Variants in ATP6V1C1 observed in about 807,000 individuals in gnomAD.
ATP6V1C1 encodes the protein ATPase H+ transporting V1 subunit C1.
ATP6V1C1 carries 45 observed loss-of-function variants against 53.9 expected under a neutral mutation model. That is an observed-to-expected ratio of 0.83 (90% CI 0.66 to 1.07). The LOEUF (loss-of-function observed/expected upper bound fraction) is 1.07, where lower values mean the gene tolerates loss of function less well. Ranked by LOEUF, ATP6V1C1 falls within the 50% of genes least tolerant of loss-of-function variation. ATP6V1C1 has a pLI of 0.00. For synonymous variants in ATP6V1C1, 153 were observed against 155.2 expected (o/e 0.99, Z 0.11); for missense variants, 315 against 440.3 (o/e 0.72, Z 2.55).
chr8:103,023,915 G>GA lies in ATP6V1C1; in HGVS notation c.-40+2692dup, dbSNP rs397751074. Among the ~76,000 whole-genome samples the GA allele has an allele frequency of 4.7e-5, 7 of 150,216 alleles. 1 individual carries two copies. The highest frequency in any genetic ancestry group is 1.3e-4 in the Admixed American group (2 of 15,130). ...TTCAGCATTTTTTTTTGGGGGGGGGGAACTTCTCCCTGAAGAGTCAGCACT... is the reference window on the plus strand; with the variant it reads ...TTCAGCATTTTTTTTTGGGGGGGGGGAAACTTCTCCCTGAAGAGTCAGCACT... On this transcript the variant is annotated intron_variant, in intron 1 of 12. Transcript: ENST00000518738.
intron 1 of ATP6V1C1, among the ~76,000 whole-genome samples, chr8:103,039,909 T>G (rs1816966085): frequency 6.6e-6 from 1 of 152,098 alleles, no homozygotes; most frequent in African/African-American, 2.4e-5. Context: ...AGATTTTTTT[T>G]TTTTCAGATT....
chr8:103,050,522 A>C (rs1332315438), intron 4 of ATP6V1C1, among the ~76,000 whole-genome samples: 1 of 152,190 alleles, frequency 6.6e-6, no homozygotes. Flanking sequence ...ACTTCCAAGG[A>C]ATAAGTTGTT....
intron 1 of ATP6V1C1, among the ~76,000 whole-genome samples, chr8:103,039,637 C>T (rs1326704063): frequency 6.6e-6 from 1 of 152,164 alleles, no homozygotes; most frequent in South Asian, 2.1e-4. Flanking sequence ...TACCATAATA[C>T]TTTGATTTTT....
intron 3 of ATP6V1C1, among the ~76,000 whole-genome samples, chr8:103,046,935 A>G (rs1355552120): frequency 6.6e-6 from 1 of 152,180 alleles, no homozygotes; most frequent in Non-Finnish European, 1.5e-5. Context: ...ATTTGACACC[A>G]GGTGATTCTA....
chr8:103,030,200 A>G (rs1291827736), intron 1 of ATP6V1C1, among the ~76,000 whole-genome samples: 1 of 152,072 alleles, frequency 6.6e-6, no homozygotes, highest in Non-Finnish European at 1.5e-5. Context: ...CAAAAGCAAT[A>G]CATGTTCATT....
chr8:103,036,923 A>G (rs1816909201), intron 1 of ATP6V1C1, among the ~76,000 whole-genome samples: 1 of 152,182 alleles, frequency 6.6e-6, no homozygotes, highest in South Asian at 2.1e-4. Flanking sequence ...ACAGAAAACC[A>G]CTTGCATAAA....
chr8:103,059,705 G>A (rs1817359459), intron 8 of ATP6V1C1, among the ~76,000 whole-genome samples: 1 of 151,754 alleles, frequency 6.6e-6, no homozygotes, highest in African/African-American at 2.4e-5. Context: ...CTCCAGCTCT[G>A]ACTCCCTCAT....
intron 7 of ATP6V1C1, 94 bp downstream of exon 7, chr8:103,054,076 A>G (rs900797147): frequency 6.2e-6 from 6 of 966,388 alleles, no homozygotes; most frequent in Non-Finnish European, 9.2e-6. Flanking sequence ...ATAAAATCCA[A>G]GCGTAAAAGG....
Position 103,039,585 on chromosome 8 carries a change from T to C in ATP6V1C1, c.-39-1213T>C, listed in dbSNP as rs937138491. On this transcript the variant is annotated intron_variant, in intron 1 of 12. Transcript: ENST00000518738. Reference sequence around the variant, plus strand: ...AAATAAGCAGTGTTAGCAGAAAGCTTATGTTGGTTCTCATGAAGGCAGATT... The same window carrying C: ...AAATAAGCAGTGTTAGCAGAAAGCTCATGTTGGTTCTCATGAAGGCAGATT... 9.9e-5 allele frequency among the ~76,000 whole-genome samples: 15 copies of C among 152,280 alleles called. 1 individual carries two copies. In the East Asian group the frequency reaches 2.9e-3, roughly 29 times the overall value.
chr8:103,058,215 C>G (rs1186386732), intron 8 of ATP6V1C1, among the ~76,000 whole-genome samples: 1 of 152,216 alleles, frequency 6.6e-6, no homozygotes, highest in Non-Finnish European at 1.5e-5. Flanking sequence ...CAGTTTAATG[C>G]AGTCAAGACT....
At chr8:103,049,907 C>T (rs544707740) in intron 4 of ATP6V1C1, among the ~76,000 whole-genome samples, 8 of 151,954 alleles carry the variant, frequency 5.3e-5, no homozygotes, top group African/African-American at 1.4e-4. Context: ...CAGTGAGCTA[C>T]GATTGTACCA....
chr8:103,056,086 C>A, intron 8 of ATP6V1C1, 150 bp downstream of exon 8: 2 of 696,426 alleles, frequency 2.9e-6, no homozygotes, highest in Non-Finnish European at 4.6e-6. Context: ...TAATTTTAGA[C>A]CTAGAAGGGA....
At chr8:103,060,766 A>G (rs972564633) in intron 8 of ATP6V1C1, among the ~76,000 whole-genome samples, 2 of 152,162 alleles carry the variant, frequency 1.3e-5, no homozygotes, top group Non-Finnish European at 2.9e-5. Context: ...TAGTTATAAG[A>G]TAAGATGGAG....
At chr8:103,044,674 CTTTT>C (rs35353838) in intron 3 of ATP6V1C1, among the ~76,000 whole-genome samples, 1 of 132,718 alleles carries the variant, frequency 7.5e-6, no homozygotes, top group African/African-American at 2.8e-5. Flanking sequence ...AATTCTCCAA[CTTTT>C]TTTTTTTTTT....
chr8:103,070,639 A>G lies in ATP6V1C1; in HGVS notation c.*1892A>G, dbSNP rs1817571246. ...TCACTAACCTGAAGCTCAGCCACAC[A>G]GTGACTTTTAAGGTTTTATTTAGAC... On this transcript the variant is annotated 3_prime_UTR_variant, in exon 13 of 13. Coordinates refer to ENST00000518738, the MANE Select transcript of ATP6V1C1 (RefSeq NM_001695.5). 1 of 152,264 alleles carries G rather than the reference A, an allele frequency of 6.6e-6. No individual in the cohort carries two copies. The highest frequency in any genetic ancestry group is 1.5e-5 in the Non-Finnish European group (1 of 68,050). The allele number at this position is 152,264 out of a possible 1,614,324, so 9.4% of individuals were successfully genotyped here.
chr8:103,066,420 A>C lies in ATP6V1C1; in HGVS notation c.1026A>C (p.Leu342=). 6.2e-7 allele frequency: 1 copy of C among 1,611,048 alleles called. No homozygotes were observed. Among genetic ancestry groups the C allele is most frequent in the Non-Finnish European group, 8.5e-7 (1 of 1,179,276 alleles). Residue 342 remains leucine, a synonymous_variant, in exon 12 of 13, where the codon CTA becomes CTC. Coordinates refer to ENST00000518738, the MANE Select transcript of ATP6V1C1 (RefSeq NM_001695.5). ...REVLHELYKH[L]DSSAAAIIDA... Reference sequence around the variant, plus strand: ...TATTACATGAATTGTATAAACATCTAGACAGCAGTGCAGCAGCTATTATTG... The same window carrying C: ...TATTACATGAATTGTATAAACATCTCGACAGCAGTGCAGCAGCTATTATTG...
In ATP6V1C1 at chr8:103,070,520, T is replaced by A. The variant is rs188382470; in HGVS notation, c.*1773T>A. On this transcript the variant is annotated 3_prime_UTR_variant, in exon 13 of 13. Coordinates refer to ENST00000518738, the MANE Select transcript of ATP6V1C1 (RefSeq NM_001695.5). Reference sequence around the variant, plus strand: ...ATTTTGGTTCTTTGTCTTTTGCACATGTTCTTTGAGTCTTAGTATCTGTAA... The same window carrying A: ...ATTTTGGTTCTTTGTCTTTTGCACAAGTTCTTTGAGTCTTAGTATCTGTAA... 1 of 152,340 alleles carries A rather than the reference T, an allele frequency of 6.6e-6. No individual in the cohort carries two copies. The highest frequency in any genetic ancestry group is 1.9e-4 in the East Asian group (1 of 5,190). The allele number at this position is 152,340 out of a possible 1,614,324, so 9.4% of individuals were successfully genotyped here. A position where few individuals can be genotyped will look rare whatever the true frequency, so the allele number is the denominator to read the frequency against.
intron 8 of ATP6V1C1, among the ~76,000 whole-genome samples, chr8:103,057,560 C>A (rs1394198568): frequency 6.6e-6 from 1 of 152,116 alleles, no homozygotes; most frequent in East Asian, 1.9e-4. Flanking sequence ...TCTAGGAAAC[C>A]GGGGTGAAAC....
At chr8:103,047,423 TGC>T (rs56115164) in intron 3 of ATP6V1C1, among the ~76,000 whole-genome samples, 26,198 of 120,696 alleles carry the variant, frequency 0.22, 3,020 homozygotes, top group Middle Eastern at 0.26. Context: ...AAAAAAAAAA[TGC>T]GCGCGCACAC....
Sources: gnomAD v4.1 joint callset for allele counts (sites outside exome capture counted in the v4.1 genomes callset) on GRCh38, gnomAD v4.1.1 for gene constraint, MANE v1.5 for transcripts, NCBI Gene and HGNC (gene_info 2026-07-23, HGNC 2026-07-21) for gene names.